Variants in DPP10 observed in about 807,000 individuals in gnomAD.
DPP10 encodes the protein dipeptidyl peptidase like 10.
DPP10 carries 33 observed loss-of-function variants against 120.9 expected under a neutral mutation model. The ratio of observed to expected loss-of-function variants is 0.27; its 90% CI spans 0.21 to 0.37. The LOEUF (loss-of-function observed/expected upper bound fraction) is 0.37, where lower values mean the gene tolerates loss of function less well. Among genes scored for constraint, DPP10 ranks in the 10% least tolerant of loss-of-function variants. DPP10 has a pLI of 1.00. For missense variants in DPP10, 816 were observed against 942.8 expected, an observed-to-expected ratio of 0.87 and a Z score of 1.76; for synonymous variants, 337 against 326.1, an observed-to-expected ratio of 1.03 and a Z score of -0.36.
intron 1 of DPP10, among the ~76,000 whole-genome samples, chr2:114,956,986 CAAAAAAAA>C (rs764400761): frequency 2.8e-5 from 3 of 106,974 alleles, no homozygotes; most frequent in African/African-American, 1.1e-4. Flanking sequence ...TAAAACTATT[CAAAAAAAA>C]AAAAAAAGAG....
intron 1 of DPP10, among the ~76,000 whole-genome samples, chr2:115,046,932 A>G (rs1705113410): frequency 6.6e-6 from 1 of 151,994 alleles, no homozygotes; most frequent in Admixed American, 6.6e-5. Flanking sequence ...ACATGTGACT[A>G]TATTTCTTAT....
intron 3 of DPP10, among the ~76,000 whole-genome samples, chr2:115,388,458 G>T (rs573143849): frequency 6.6e-6 from 1 of 152,192 alleles, no homozygotes; most frequent in East Asian, 1.9e-4. Context: ...CATGATTATA[G>T]TAAGTCAGGT....
In DPP10 at chr2:114,752,209, G is replaced by C. The variant is rs556989570; in HGVS notation, c.60+309371G>C. 2.5e-4 allele frequency among the ~76,000 whole-genome samples: 38 copies of C among 152,258 alleles called. 1 individual carries two copies. In the South Asian group the frequency reaches 7.9e-3, roughly 32 times the overall value. On this transcript the variant is annotated intron_variant, in intron 1 of 25. Coordinates refer to ENST00000410059, the MANE Select transcript of DPP10 (RefSeq NM_020868.6). Reference sequence around the variant, plus strand: ...TCACTACTCAGAAGGGCAGGTTGCTGCCCCTTCCCCTGCCATGTGCTGGTT... The same window carrying C: ...TCACTACTCAGAAGGGCAGGTTGCTCCCCCTTCCCCTGCCATGTGCTGGTT...
At chr2:114,442,904 A>G (rs1040560309) in intron 1 of DPP10, 66 bp downstream of exon 1, 10 of 1,588,584 alleles carry the variant, frequency 6.3e-6, no homozygotes, top group Middle Eastern at 3.3e-4. Context: ...ACACATGGGC[A>G]TTGATATATC....
At chr2:114,510,917 T>C (rs1211087902) in intron 1 of DPP10, among the ~76,000 whole-genome samples, 1 of 152,206 alleles carries the variant, frequency 6.6e-6, no homozygotes, top group African/African-American at 2.4e-5. Context: ...TTAATTTAAA[T>C]TGGTTAAAAC....
Position 114,875,174 on chromosome 2 carries a change from G to A in DPP10, c.60+432336G>A, listed in dbSNP as rs142828812. ...AGAAGTAGCTATCAAAGGTTTGAGA[G>A]TTATCTGTGCCAATGATATAATGCT... is the stretch of plus-strand genomic sequence containing the variant. On this transcript the variant is annotated intron_variant, in intron 1 of 25. Transcript: ENST00000410059. 7.2e-5 allele frequency among the ~76,000 whole-genome samples: 11 copies of A among 152,276 alleles called. No homozygotes were observed. The East Asian group carries it at 1.5e-3, about 21-fold the overall frequency.
At chr2:114,980,908 T>C (rs1038834990) in intron 1 of DPP10, among the ~76,000 whole-genome samples, 2 of 152,014 alleles carry the variant, frequency 1.3e-5, no homozygotes, top group Admixed American at 6.6e-5. Flanking sequence ...CTCCATAGTA[T>C]AGAAAAATAT....
intron 3 of DPP10, among the ~76,000 whole-genome samples, chr2:115,492,161 G>C (rs1341257199): frequency 1.3e-5 from 2 of 152,096 alleles, no homozygotes; most frequent in Non-Finnish European, 1.5e-5. Flanking sequence ...CATTCTACTG[G>C]ATGGGGCTGT....
chr2:115,005,425 C>T (rs1447701107), intron 1 of DPP10, among the ~76,000 whole-genome samples: 17 of 151,448 alleles, frequency 1.1e-4, no homozygotes, highest in South Asian at 1.0e-3. Context: ...CTCTGAGCTA[C>T]GGGAGGACAT....
At chr2:115,004,024 T>C (rs547730414) in intron 1 of DPP10, among the ~76,000 whole-genome samples, 1 of 152,200 alleles carries the variant, frequency 6.6e-6, no homozygotes, top group African/African-American at 2.4e-5. Context: ...CAAACATGTA[T>C]TTGCTTACAA....
chr2:115,437,029 A>C (rs147594905), intron 3 of DPP10, among the ~76,000 whole-genome samples: 1 of 151,972 alleles, frequency 6.6e-6, no homozygotes, highest in Non-Finnish European at 1.5e-5. Context: ...GTAAGTAATC[A>C]CCTGACTATG....
intron 1 of DPP10, among the ~76,000 whole-genome samples, chr2:114,936,613 G>A (rs1322064978): frequency 2.6e-5 from 4 of 151,982 alleles, no homozygotes; most frequent in Non-Finnish European, 4.4e-5. Flanking sequence ...ACTTTGACAT[G>A]GGATTGCTGG....
chr2:115,666,981 C>T (rs2089505847), intron 5 of DPP10, among the ~76,000 whole-genome samples: 1 of 152,096 alleles, frequency 6.6e-6, no homozygotes, highest in Admixed American at 6.6e-5. Context: ...AAGAAGGTAC[C>T]TGCTTCCCTT....
intron 12 of DPP10, among the ~76,000 whole-genome samples, chr2:115,766,335 TA>T (rs1680753132): frequency 1.1e-5 from 1 of 92,780 alleles, no homozygotes; most frequent in African/African-American, 3.5e-5. Context: ...TGTATATATA[TA>T]TGTATATATA....
chr2:115,196,341 C>T (rs1297650381), intron 1 of DPP10, among the ~76,000 whole-genome samples: 2 of 152,214 alleles, frequency 1.3e-5, no homozygotes, highest in African/African-American at 4.8e-5. Context: ...CATCTGCCTG[C>T]TTCTCCTAAC....
chr2:115,646,327 T>C (rs1330386199), intron 5 of DPP10, among the ~76,000 whole-genome samples: 1 of 152,122 alleles, frequency 6.6e-6, no homozygotes, highest in Non-Finnish European at 1.5e-5. Context: ...TTAAAGATCA[T>C]TACAGTGGGG....
rs377765939 is a variant in DPP10 at position 115,693,827 on chromosome 2, C to T, written c.576+3906C>T. On this transcript the variant is annotated intron_variant, in intron 7 of 25. Transcript: ENST00000410059. ...TTAATCTTGATATGGCTTACTGTTT[C>T]CATCTTTAAAATGGTAGTGCTTTAT... Among the ~76,000 whole-genome samples, 31 of 152,154 alleles carry T rather than the reference C, an allele frequency of 2.0e-4. No homozygotes were observed. The East Asian group carries it at 2.3e-3, about 11-fold the overall frequency.
intron 1 of DPP10, among the ~76,000 whole-genome samples, chr2:114,891,225 A>T (rs540208432): frequency 1.3e-5 from 2 of 152,326 alleles, no homozygotes; most frequent in East Asian, 3.9e-4. Context: ...CAAGCTGAGT[A>T]GAGAAAGAGA....
intron 5 of DPP10, among the ~76,000 whole-genome samples, chr2:115,635,537 T>G (rs977196983): frequency 1.3e-5 from 2 of 152,178 alleles, no homozygotes; most frequent in Admixed American, 6.5e-5. Context: ...CTCAGTCCCA[T>G]TAAGAAGACC....
Sources: allele counts gnomAD v4.1 joint callset (sites outside exome capture counted in the v4.1 genomes callset), GRCh38; gene constraint gnomAD v4.1.1; transcripts MANE v1.5; gene names NCBI Gene and HGNC (gene_info 2026-07-23, HGNC 2026-07-21).